The following GNAS variants were observed in gnomAD, a reference collection of about 807,000 sequenced individuals.
GNAS encodes the protein GNAS complex locus, also known as protein ALEX.
A neutral mutation model predicts 54.5 loss-of-function variants in GNAS; 8 were observed. The ratio of observed to expected loss-of-function variants is 0.15; its 90% CI spans 0.09 to 0.26. The LOEUF (loss-of-function observed/expected upper bound fraction) is 0.26. GNAS is among the 10% of genes least tolerant of loss of function. The pLI, the probability that GNAS is intolerant of heterozygous loss-of-function variation, is 1.00. For missense variants in GNAS, 170 were observed against 529.8 expected (o/e 0.32, Z 6.67); for synonymous variants, 204 against 191.4 (o/e 1.07, Z -0.54).
intron 1 of GNAS, chr20:58,855,694 G>A (rs2086461155): frequency 3.0e-6 from 2 of 668,148 alleles, no homozygotes; most frequent in East Asian, 2.7e-5. Context: ...GGACTCCCCT[G>A]GCTAGGCTGG....
At chr20:58,866,976 A>T (rs2145674457) in intron 1 of GNAS, among the ~76,000 whole-genome samples, 1 of 152,350 alleles carries the variant, frequency 6.6e-6, no homozygotes, top group Admixed American at 6.5e-5. Flanking sequence ...TAAATTATAT[A>T]TCAGACATGT....
chr20:58,853,092 GTTCCT>G lies in GNAS; in HGVS notation c.43+12208_43+12212del. On this transcript the variant is annotated intron_variant, in intron 1 of 12. Coordinates refer to the GNAS transcript ENST00000306090. The surrounding 1 kb of genome is among the most constrained non-coding windows in gnomAD (Gnocchi z 4.4). Reference sequence around the variant, plus strand: ...TGAGTTGCTTCAGCCTCAGTCTAGGGTTCCTTCCAGGCCTTGAACCCCCCAACCTC... The same window carrying G: ...TGAGTTGCTTCAGCCTCAGTCTAGGGTCCAGGCCTTGAACCCCCCAACCTC... 1 of 1,416,640 alleles carries G rather than the reference GTTCCT, an allele frequency of 7.1e-7. No individual in the cohort carries two copies. The highest frequency in any genetic ancestry group is 1.6e-5 in the South Asian group (1 of 62,004). The allele number at this position is 1,416,640 out of a possible 1,614,324, so 87.8% of individuals were successfully genotyped here.
chr20:58,898,821 C>T (rs930428259), intron 2 of GNAS, 120 bp from the exon 3 acceptor site: 15 of 890,624 alleles, frequency 1.7e-5, no homozygotes, highest in Admixed American at 1.5e-4. Flanking sequence ...GGATGGCTGG[C>T]GCGCGAATTG....
At chr20:58,865,526 C>A in intron 1 of GNAS, among the ~76,000 whole-genome samples, 1 of 144,820 alleles carries the variant, frequency 6.9e-6, no homozygotes, top group African/African-American at 2.6e-5. Flanking sequence ...TAATATATAT[C>A]ATCTATAATA....
At chr20:58,872,880 GA>G (rs1392180859) in intron 1 of GNAS, among the ~76,000 whole-genome samples, 1 of 151,920 alleles carries the variant, frequency 6.6e-6, no homozygotes, top group Non-Finnish European at 1.5e-5. Flanking sequence ...CAGCTCAAGA[GA>G]AAAAAAATAA....
intron 1 of GNAS, chr20:58,855,739 G>C: frequency 1.6e-6 from 1 of 623,220 alleles, no homozygotes; most frequent in South Asian, 1.9e-5. Context: ...ATTGGGGAAG[G>C]CGCGCCCCGC....
chr20:58,903,162 A>G (rs774887650), intron 3 of GNAS: 105 of 386,752 alleles, frequency 2.7e-4, no homozygotes, highest in Middle Eastern at 2.6e-3. Context: ...ATAGTGACCT[A>G]TCACTCCAGC....
upstream of GNAS, chr20:58,840,792 C>T: frequency 6.2e-7 from 1 of 1,611,976 alleles, no homozygotes; most frequent in Non-Finnish European, 8.5e-7. The surrounding 1 kb of genome is among the most constrained non-coding windows in gnomAD (Gnocchi z 6.0). Flanking sequence ...CGCCGTGACG[C>T]GTCCCCGGAG....
chr20:58,888,432 AC>A (rs1448600216), upstream of GNAS: 3 of 152,066 alleles, frequency 2.0e-5, no homozygotes, highest in Non-Finnish European at 2.9e-5. Flanking sequence ...AAATTTAGTA[AC>A]CCTGCTCCTA....
At position 58,898,820 on chromosome 20, in the gene GNAS, G is replaced by T. The variant is rs2090329618; in HGVS notation, c.213-121G>T. 10 of 884,242 alleles carry T rather than the reference G, an allele frequency of 1.1e-5. No homozygotes were observed. The Admixed American group carries it at 1.7e-4, about 15-fold the overall frequency. The allele number at this position is 884,242 out of a possible 1,614,324, so 54.8% of individuals were successfully genotyped here. A position where few individuals can be genotyped will look rare whatever the true frequency, so the allele number is the denominator to read the frequency against. On this transcript the variant is annotated intron_variant, in intron 2 of 12. Transcript: ENST00000371085. ...GAATTGCCGGGAGGATGGATGGCTG[G>T]CGCGCGAATTGTTGCTTTTGCTCTT...
intron 1 of GNAS, chr20:58,852,854 TG>T: frequency 3.4e-6 from 1 of 290,408 alleles, no homozygotes; most frequent in South Asian, 1.5e-4. Context: ...AGCTCGGCAC[TG>T]GAACCGGCGT....
intron 1 of GNAS, 87 bp from the exon 2 acceptor site, chr20:58,895,525 G>T: frequency 1.2e-6 from 1 of 828,888 alleles, no homozygotes. Flanking sequence ...TTGCTTCTAT[G>T]GAAAAACAAA....
chr20:58,854,771 T>G, intron 1 of GNAS: 1 of 1,558,304 alleles, frequency 6.4e-7, no homozygotes, highest in Non-Finnish European at 8.6e-7. Context: ...CCCCAGCCGC[T>G]TCTGCCACCC....
At position 58,891,474 on chromosome 20, in the gene GNAS, G is replaced by A. The variant is rs2089299232; in HGVS notation, c.-253G>A. On this transcript the variant is annotated 5_prime_UTR_variant, in exon 1 of 13. Coordinates refer to ENST00000371085, the MANE Select transcript of GNAS (RefSeq NM_000516.7). ...CGCCTCGGCCCGGCGGCGGCCATCAGCCCCCTCGGCCTCGGCTCGAGGGGC... is the reference window on the plus strand; with the variant it reads ...CGCCTCGGCCCGGCGGCGGCCATCAACCCCCTCGGCCTCGGCTCGAGGGGC... 9 of 907,400 alleles carry A rather than the reference G, an allele frequency of 9.9e-6. No homozygotes were observed. Among genetic ancestry groups the A allele is most frequent in the African/African-American group, 1.8e-5 (1 of 54,872 alleles). 56.2% of individuals were successfully genotyped at this position (907,400 alleles called of 1,614,324 possible). A position where few individuals can be genotyped will look rare whatever the true frequency, so the allele number is the denominator to read the frequency against.
upstream of GNAS, chr20:58,889,523 A>G (rs2088910676): frequency 1.0e-5 from 2 of 196,716 alleles, no homozygotes; most frequent in South Asian, 1.7e-4. Flanking sequence ...TGGCGTGCCC[A>G]AGAGCCAAAC....
At chr20:58,854,721 C>T (rs1387330150) in intron 1 of GNAS, 2 of 1,534,498 alleles carry the variant, frequency 1.3e-6, no homozygotes, top group Non-Finnish European at 1.7e-6. Context: ...CCGGGCAGCC[C>T]ATGTCGCCCC....
At chr20:58,875,525 C>T (rs1433590721) in intron 1 of GNAS, among the ~76,000 whole-genome samples, 3 of 152,302 alleles carry the variant, frequency 2.0e-5, no homozygotes, top group South Asian at 4.2e-4. Context: ...TAGTTCCAGC[C>T]CCATACCCTG....
At chr20:58,847,211 A>G (rs951191041) in intron 1 of GNAS, among the ~76,000 whole-genome samples, 8 of 152,048 alleles carry the variant, frequency 5.3e-5, no homozygotes, top group Non-Finnish European at 8.8e-5. Flanking sequence ...TAATCTGAGC[A>G]TATCAAGTAT....
At chr20:58,899,624 T>C in intron 3 of GNAS, 1 of 589,218 alleles carries the variant, frequency 1.7e-6, no homozygotes, top group South Asian at 1.7e-5. Flanking sequence ...TTATTTTTTC[T>C]TTGCTTCCTG....
Sources: gnomAD v4.1 joint callset for allele counts (sites outside exome capture counted in the v4.1 genomes callset) on GRCh38, gnomAD v4.1.1 for gene constraint, Gnocchi (gnomAD v3.1) non-coding constraint, MANE v1.5 for transcripts, NCBI Gene and HGNC (gene_info 2026-07-23, HGNC 2026-07-21) for gene names.